Variants in COL10A1 observed in about 807,000 individuals in gnomAD.
COL10A1 encodes the protein collagen alpha-1(X) chain.
In COL10A1, 10 loss-of-function variants were observed where a neutral mutation model predicts 18.2. That is an observed-to-expected ratio of 0.55 (90% CI 0.34 to 0.93). COL10A1 has a LOEUF of 0.93. COL10A1 is among the 40% of genes least tolerant of loss of function. The pLI is 0.02. For synonymous variants in COL10A1, 330 were observed against 316.6 expected (o/e 1.04, Z -0.45); for missense variants, 897 against 853.5 (o/e 1.05, Z -0.64).
chr6:116,162,049 G>C (rs1780347319), upstream of COL10A1, among the ~76,000 whole-genome samples: 1 of 152,068 alleles, frequency 6.6e-6, no homozygotes, highest in Admixed American at 6.5e-5. Flanking sequence ...TTGTAAATGA[G>C]ATTGAGTTTT....
chr6:116,121,814 C>G lies in COL10A1; in HGVS notation c.302G>C (p.Gly101Ala), dbSNP rs749837227. The G allele has an allele frequency of 7.4e-6, 12 of 1,613,978 alleles. No homozygotes were observed. In the Admixed American group the frequency reaches 1.8e-4, roughly 25 times the overall value. The change falls in exon 3 of 3, where the codon GGA (glycine) becomes GCA (alanine). Residue 101 changes from glycine to alanine, a missense_variant. Transcript: ENST00000651968. Reference protein sequence around the residue: ...QGEPGLPGPPGPSAVGKPGVP... With the variant: ...QGEPGLPGPPAPSAVGKPGVP... ...ACCTGGTTTCCCTACAGCTGATGGT[C>G]CCGGTGGTCCTGGCAACCCTGGCTC...
rs73772295 is a variant in COL10A1, at chr6:116,152,781, C to T, written c.-16+5833G>A. On this transcript the variant is annotated intron_variant, in intron 1 of 1. Coordinates refer to the COL10A1 transcript ENST00000418500. ...TTTACAACTCTAATATAGTTCTTGGCACCATTCCATTTTTCTTGATAAGGT... is the reference window on the plus strand; with the variant it reads ...TTTACAACTCTAATATAGTTCTTGGTACCATTCCATTTTTCTTGATAAGGT... Among the ~76,000 whole-genome samples the T allele has an allele frequency of 4.8e-3, 736 of 152,224 alleles. 11 individuals carry two copies. The highest frequency in any genetic ancestry group is 0.043 in the South Asian group (205 of 4,816).
intron 1 of COL10A1, among the ~76,000 whole-genome samples, chr6:116,148,678 A>G (rs1582835200): frequency 6.6e-6 from 1 of 152,172 alleles, no homozygotes; most frequent in African/African-American, 2.4e-5. Context: ...CAACGTCATT[A>G]ATAATTAAAA....
At chr6:116,163,020 A>C (rs1279593826), upstream of COL10A1, among the ~76,000 whole-genome samples, 1 of 150,934 alleles carries the variant, frequency 6.6e-6, no homozygotes, top group African/African-American at 2.4e-5. Flanking sequence ...CCAGCTACTC[A>C]GGAAGCTGAG....
the COL10A1 span, among the ~76,000 whole-genome samples, chr6:116,164,222 T>C: frequency 6.6e-6 from 1 of 152,318 alleles, no homozygotes; most frequent in East Asian, 1.9e-4. Flanking sequence ...GGCTTTTTAT[T>C]TTATTTTCTT....
At chr6:116,208,057 C>T in the COL10A1 span, among the ~76,000 whole-genome samples, 7 of 152,076 alleles carry the variant, frequency 4.6e-5, no homozygotes, top group African/African-American at 1.7e-4. Context: ...TAATTGAGCA[C>T]TTCAGTCCTC....
the COL10A1 span, among the ~76,000 whole-genome samples, chr6:116,168,418 T>A: frequency 2.0e-5 from 3 of 152,126 alleles, no homozygotes; most frequent in African/African-American, 4.8e-5. Context: ...ACTGTATTTT[T>A]CAGTTCTAGA....
upstream of COL10A1, among the ~76,000 whole-genome samples, chr6:116,130,655 G>A: frequency 6.6e-6 from 1 of 151,990 alleles, no homozygotes; most frequent in African/African-American, 2.4e-5. Flanking sequence ...TATGCACAGG[G>A]TGTTCATTAA....
the COL10A1 span, among the ~76,000 whole-genome samples, chr6:116,176,360 T>G: frequency 6.6e-6 from 1 of 152,222 alleles, no homozygotes; most frequent in Non-Finnish European, 1.5e-5. Context: ...GGTTTGCTTC[T>G]GTTGGGCCTG....
chr6:116,147,676 A>G lies in COL10A1; in HGVS notation c.-16+10938T>C, dbSNP rs73772283. Among the ~76,000 whole-genome samples, 350 of 152,310 alleles carry G rather than the reference A, an allele frequency of 2.3e-3. 2 individuals carry two copies. Among genetic ancestry groups the G allele is most frequent in the African/African-American group, 8.2e-3 (341 of 41,580 alleles). On this transcript the variant is annotated intron_variant, in intron 1 of 1. Coordinates refer to the COL10A1 transcript ENST00000418500. Reference sequence around the variant, plus strand: ...GAAATTGCAAATAGAAACTGTTACAAGACTTTATATAAACTTTAAAAATGT... The same window carrying G: ...GAAATTGCAAATAGAAACTGTTACAGGACTTTATATAAACTTTAAAAATGT...
Position 116,119,525 on chromosome 6 carries a change from G to A in COL10A1, c.*548C>T, listed in dbSNP as rs1034613914. The A allele has an allele frequency of 6.5e-6, 1 of 153,764 alleles. No homozygotes were observed. The highest frequency in any genetic ancestry group is 1.5e-5 in the Non-Finnish European group (1 of 68,954). The allele number at this position is 153,764 out of a possible 1,614,324, so 9.5% of individuals were successfully genotyped here. On this transcript the variant is annotated 3_prime_UTR_variant, in exon 3 of 3. Coordinates refer to ENST00000651968, the MANE Select transcript of COL10A1 (RefSeq NM_000493.4). ...TATTTGAATAGATATTGATGAAAGG[G>A]GCCATACAGGCCTCAGAGTAGTGCA...
At chr6:116,197,103 C>T in the COL10A1 span, among the ~76,000 whole-genome samples, 1 of 151,916 alleles carries the variant, frequency 6.6e-6, no homozygotes, top group African/African-American at 2.4e-5. Context: ...TCCTGTCCAC[C>T]CCCACCTCCT....
At chr6:116,161,200 G>A (rs1486399113), upstream of COL10A1, among the ~76,000 whole-genome samples, 1 of 117,324 alleles carries the variant, frequency 8.5e-6, no homozygotes, top group Non-Finnish European at 1.7e-5. Flanking sequence ...GTGGGGTGGG[G>A]GGAGGGGGGA....
the COL10A1 span, among the ~76,000 whole-genome samples, chr6:116,196,141 G>A: frequency 6.6e-6 from 1 of 151,958 alleles, no homozygotes; most frequent in Non-Finnish European, 1.5e-5. Flanking sequence ...TATCTCAAAA[G>A]GACAGTCGTC....
chr6:116,176,077 C>T, the COL10A1 span, among the ~76,000 whole-genome samples: 1 of 152,196 alleles, frequency 6.6e-6, no homozygotes, highest in Non-Finnish European at 1.5e-5. Context: ...GCCTCTTCTA[C>T]TACGCTGTAA....
chr6:116,191,692 A>T, the COL10A1 span, among the ~76,000 whole-genome samples: 13 of 152,034 alleles, frequency 8.6e-5, no homozygotes, highest in African/African-American at 3.1e-4. Flanking sequence ...AGTCAATAAC[A>T]TTGTCTTTTT....
At chr6:116,155,990 T>C (rs1780183495) in intron 1 of COL10A1, among the ~76,000 whole-genome samples, 1 of 152,136 alleles carries the variant, frequency 6.6e-6, no homozygotes, top group Non-Finnish European at 1.5e-5. Flanking sequence ...AAAAATTACA[T>C]TGACTTGAAT....
chr6:116,122,055 A>C (rs1230971142), intron 2 of COL10A1, 94 bp from the exon 3 acceptor site: 1 of 1,030,538 alleles, frequency 9.7e-7, no homozygotes, highest in African/African-American at 1.6e-5. Context: ...TTGGGACACG[A>C]TATTTCAGCA....
At chr6:116,164,709 C>T in the COL10A1 span, among the ~76,000 whole-genome samples, 4 of 152,142 alleles carry the variant, frequency 2.6e-5, no homozygotes, top group South Asian at 2.1e-4. Flanking sequence ...TAGCAAGTAT[C>T]ATCTTTCTGT....
Sources: allele counts gnomAD v4.1 joint callset (sites outside exome capture counted in the v4.1 genomes callset), GRCh38; gene constraint gnomAD v4.1.1; transcripts MANE v1.5; gene names NCBI Gene and HGNC (gene_info 2026-07-23, HGNC 2026-07-21).